The following PRKG1 variants were observed in gnomAD, a reference collection of about 807,000 sequenced individuals.
The protein encoded by PRKG1 is protein kinase cGMP-dependent 1, also known as cGMP-dependent protein kinase 1.
Under a neutral mutation model 88.1 loss-of-function variants are expected in PRKG1, and 35 were observed. The ratio of observed to expected loss-of-function variants is 0.40; its 90% CI spans 0.30 to 0.53. The LOEUF (loss-of-function observed/expected upper bound fraction) is 0.53, where lower values mean the gene tolerates loss of function less well. PRKG1 is among the 20% of genes least tolerant of loss of function. The pLI is 0.59. For synonymous variants in PRKG1, 303 were observed against 292.5 expected (o/e 1.04, Z -0.37); for missense variants, 540 against 839.8 (o/e 0.64, Z 4.41).
chr10:51,829,477 G>T (rs1167658756), intron 4 of PRKG1, among the ~76,000 whole-genome samples: 1 of 152,058 alleles, frequency 6.6e-6, no homozygotes, highest in Admixed American at 6.6e-5. Context: ...TAAAATCTAT[G>T]AAATATATTT....
chr10:51,734,760 AG>A (rs1837220576), intron 3 of PRKG1, among the ~76,000 whole-genome samples: 1 of 152,196 alleles, frequency 6.6e-6, no homozygotes, highest in Non-Finnish European at 1.5e-5. Flanking sequence ...CAGCTGTCAC[AG>A]TTTTTCTACT....
rs972891787 is a variant in PRKG1, at chr10:51,947,329, G to A, written c.762+39759G>A. Among the ~76,000 whole-genome samples, 3 of 152,228 alleles carry A rather than the reference G, an allele frequency of 2.0e-5. No individual in the cohort carries two copies. The East Asian group carries it at 5.8e-4, about 30-fold the overall frequency. Reference sequence around the variant, plus strand: ...AAGCTCGTCAGAAAAGCGCAGTATTGGGGTGGGAGTGACCCGATTTTCCAG... The same window carrying A: ...AAGCTCGTCAGAAAAGCGCAGTATTAGGGTGGGAGTGACCCGATTTTCCAG... On this transcript the variant is annotated intron_variant, in intron 5 of 17. Transcript: ENST00000373980.
At chr10:52,222,034 G>A (rs766892966) in intron 9 of PRKG1, among the ~76,000 whole-genome samples, 5 of 152,184 alleles carry the variant, frequency 3.3e-5, no homozygotes, top group Non-Finnish European at 7.4e-5. Context: ...GGAGATGAGT[G>A]TATTAGGTCA....
At chr10:51,432,696 C>T (rs938612988) in intron 2 of PRKG1, among the ~76,000 whole-genome samples, 10 of 152,124 alleles carry the variant, frequency 6.6e-5, no homozygotes, top group African/African-American at 2.4e-4. Flanking sequence ...TATAGTTTTA[C>T]GTCTATATTT....
chr10:51,184,749 G>C (rs1475328026), intron 2 of PRKG1, among the ~76,000 whole-genome samples: 1 of 151,988 alleles, frequency 6.6e-6, no homozygotes, highest in African/African-American at 2.4e-5. Context: ...TAATGCTATA[G>C]ACTTCTTAAT....
intron 5 of PRKG1, among the ~76,000 whole-genome samples, chr10:51,927,876 T>C (rs1193058567): frequency 4.6e-5 from 7 of 152,334 alleles, no homozygotes; most frequent in Admixed American, 2.0e-4. Context: ...CCTGGTTTTA[T>C]ATGAAGTTTT....
At chr10:51,310,815 A>G (rs554558312) in intron 2 of PRKG1, among the ~76,000 whole-genome samples, 1 of 152,278 alleles carries the variant, frequency 6.6e-6, no homozygotes, top group South Asian at 2.1e-4. Flanking sequence ...CTAGGTGGGT[A>G]GGCAGTTCTT....
chr10:52,276,519 T>C (rs191495502), intron 12 of PRKG1, among the ~76,000 whole-genome samples: 14 of 152,256 alleles, frequency 9.2e-5, no homozygotes, highest in African/African-American at 3.4e-4. Context: ...TTAATTTGAG[T>C]CTATCAATAT....
chr10:51,493,387 G>A (rs1343715785), intron 3 of PRKG1, among the ~76,000 whole-genome samples: 1 of 151,986 alleles, frequency 6.6e-6, no homozygotes, highest in Non-Finnish European at 1.5e-5. Flanking sequence ...TTGCCTTTTG[G>A]GGCCTCCTTA....
chr10:51,710,585 TG>T (rs1483669499), intron 3 of PRKG1, among the ~76,000 whole-genome samples: 3 of 152,244 alleles, frequency 2.0e-5, no homozygotes, highest in Non-Finnish European at 4.4e-5. Flanking sequence ...GAGCAGCTAA[TG>T]GTCCTTTCAC....
intron 7 of PRKG1, among the ~76,000 whole-genome samples, chr10:52,117,200 G>GTGTGTGTGTA (rs1001796873): frequency 1.2e-3 from 174 of 146,738 alleles, no homozygotes; most frequent in African/African-American, 4.2e-3. Flanking sequence ...GTGTGTGTGT[G>GTGTGTGTGTA]TATGATTGGT....
chr10:51,286,010 AT>A (rs1840431528), intron 2 of PRKG1, among the ~76,000 whole-genome samples: 1 of 152,184 alleles, frequency 6.6e-6, no homozygotes, highest in Admixed American at 6.5e-5. Context: ...TTGCTCTGTC[AT>A]CCAGACTGGA....
At chr10:51,980,529 T>A (rs1843980556) in intron 5 of PRKG1, among the ~76,000 whole-genome samples, 1 of 152,200 alleles carries the variant, frequency 6.6e-6, no homozygotes, top group Non-Finnish European at 1.5e-5. Context: ...AGTTCTTCAA[T>A]ATCTTTGTTA....
chr10:51,987,907 T>A (rs1452507871), intron 5 of PRKG1, among the ~76,000 whole-genome samples: 1 of 152,096 alleles, frequency 6.6e-6, no homozygotes, highest in African/African-American at 2.4e-5. Context: ...TGCTGAATGC[T>A]ACAAAAATAA....
intron 2 of PRKG1, among the ~76,000 whole-genome samples, chr10:51,276,900 A>G (rs1415708353): frequency 6.6e-6 from 1 of 152,104 alleles, no homozygotes; most frequent in Non-Finnish European, 1.5e-5. Context: ...ATTTTCTCCC[A>G]TTCTGTAGGT....
At chr10:51,406,218 C>T (rs1190247043) in intron 2 of PRKG1, among the ~76,000 whole-genome samples, 1 of 152,160 alleles carries the variant, frequency 6.6e-6, no homozygotes, top group Admixed American at 6.5e-5. Context: ...AATTTGTTGT[C>T]GACAGCTGTT....
At chr10:51,702,848 T>C (rs1478063529) in intron 3 of PRKG1, among the ~76,000 whole-genome samples, 2 of 152,058 alleles carry the variant, frequency 1.3e-5, no homozygotes, top group Non-Finnish European at 2.9e-5. Context: ...CGTGTGCCAC[T>C]ACTCATGGCT....
chr10:51,417,666 T>C (rs988617323), intron 2 of PRKG1, among the ~76,000 whole-genome samples: 2 of 152,188 alleles, frequency 1.3e-5, no homozygotes, highest in South Asian at 2.1e-4. Flanking sequence ...GGGATGGATA[T>C]ACTTCTTAGT....
intron 2 of PRKG1, among the ~76,000 whole-genome samples, chr10:51,449,355 C>T (rs538797153): frequency 1.3e-5 from 2 of 151,628 alleles, no homozygotes; most frequent in East Asian, 1.9e-4. Context: ...GAATAAAATA[C>T]GTGGGAAATG....
Sources: gnomAD v4.1 joint callset for allele counts (sites outside exome capture counted in the v4.1 genomes callset) on GRCh38, gnomAD v4.1.1 for gene constraint, MANE v1.5 for transcripts, NCBI Gene and HGNC (gene_info 2026-07-23, HGNC 2026-07-21) for gene names.